The following TUBGCP3 variants were observed in gnomAD, a reference collection of about 807,000 sequenced individuals.
The protein encoded by TUBGCP3 is gamma-tubulin complex component 3.
TUBGCP3 carries 50 observed loss-of-function variants against 123.1 expected under a neutral mutation model. The ratio of observed to expected loss-of-function variants is 0.41; its 90% confidence interval spans 0.32 to 0.51. The LOEUF (loss-of-function observed/expected upper bound fraction) is 0.51, where lower values mean the gene tolerates loss of function less well. TUBGCP3 is among the 20% of genes least tolerant of loss of function. The pLI, the probability that TUBGCP3 is intolerant of heterozygous loss-of-function variation, is 0.36. For synonymous variants in TUBGCP3, 405 were observed against 413.9 expected (o/e 0.98, Z 0.26); for missense variants, 882 against 1,127.0 (o/e 0.78, Z 3.11).
intron 17 of TUBGCP3, among the ~76,000 whole-genome samples, chr13:112,505,180 G>A (rs1594116655): frequency 6.6e-6 from 1 of 152,304 alleles, no homozygotes; most frequent in Non-Finnish European, 1.5e-5. Context: ...AGCCTCGAGG[G>A]AGGTCAGCGA....
intron 20 of TUBGCP3, among the ~76,000 whole-genome samples, chr13:112,495,431 T>C (rs1043230550): frequency 3.3e-5 from 5 of 152,238 alleles, no homozygotes; most frequent in African/African-American, 1.2e-4. Context: ...AAGAATGATG[T>C]CTTATTATAA....
intron 11 of TUBGCP3, among the ~76,000 whole-genome samples, chr13:112,541,202 GAGAATCAATAA>G (rs1388213938): frequency 3.3e-5 from 5 of 152,218 alleles, no homozygotes; most frequent in Non-Finnish European, 7.3e-5. Context: ...ACATAAGGCA[GAGAATCAATAA>G]AGAACTCGCG....
At chr13:112,593,454 C>T in the TUBGCP3 span, among the ~76,000 whole-genome samples, 1 of 151,978 alleles carries the variant, frequency 6.6e-6, no homozygotes, top group Non-Finnish European at 1.5e-5. Context: ...GGGCAGATCA[C>T]CTGAGGTCAG....
chr13:112,528,855 T>G (rs924512924), intron 11 of TUBGCP3, among the ~76,000 whole-genome samples: 3 of 150,954 alleles, frequency 2.0e-5, no homozygotes, highest in East Asian at 1.9e-4. Context: ...CCTAGATCTG[T>G]TTTTTTTTCT....
the TUBGCP3 span, among the ~76,000 whole-genome samples, chr13:112,599,076 TC>T: frequency 4.0e-5 from 6 of 150,318 alleles, no homozygotes; most frequent in African/African-American, 1.5e-4. Context: ...AACCAAAATA[TC>T]TCACAAGTTA....
At chr13:112,537,476 G>A (rs575195009) in intron 11 of TUBGCP3, among the ~76,000 whole-genome samples, 1 of 152,182 alleles carries the variant, frequency 6.6e-6, no homozygotes, top group South Asian at 2.1e-4. Context: ...AACTACCCTT[G>A]CATTCTTGGG....
At chr13:112,565,989 G>A (rs1880929634) in intron 2 of TUBGCP3, among the ~76,000 whole-genome samples, 1 of 151,066 alleles carries the variant, frequency 6.6e-6, no homozygotes, top group Non-Finnish European at 1.5e-5. Context: ...AGTATTAAAT[G>A]TCATACTCAC....
intron 20 of TUBGCP3, 76 bp from the exon 21 acceptor site, chr13:112,489,773 A>G (rs1211734026): frequency 1.2e-5 from 15 of 1,219,262 alleles, no homozygotes; most frequent in Non-Finnish European, 1.8e-5. Flanking sequence ...GAAAACAGGT[A>G]TGTGAGGAGC....
At chr13:112,534,768 AT>A (rs371365188) in intron 11 of TUBGCP3, among the ~76,000 whole-genome samples, 2 of 151,006 alleles carry the variant, frequency 1.3e-5, no homozygotes, top group Admixed American at 1.3e-4. Flanking sequence ...GAACTTCTAC[AT>A]TTTTTTTTAG....
At chr13:112,552,088 C>T (rs1267971980) in intron 8 of TUBGCP3, among the ~76,000 whole-genome samples, 1 of 152,176 alleles carries the variant, frequency 6.6e-6, no homozygotes, top group Admixed American at 6.5e-5. Context: ...CACCTCCTGC[C>T]GTGCGGCCCA....
intron 19 of TUBGCP3, among the ~76,000 whole-genome samples, chr13:112,501,291 C>T (rs1880889627): frequency 6.6e-6 from 1 of 152,198 alleles, no homozygotes; most frequent in Admixed American, 6.5e-5. Flanking sequence ...AAAGATTTAT[C>T]TAATTTGTTT....
At chr13:112,521,191 A>G (rs1876590868) in intron 14 of TUBGCP3, among the ~76,000 whole-genome samples, 1 of 152,196 alleles carries the variant, frequency 6.6e-6, no homozygotes. Flanking sequence ...ATCACCACTC[A>G]TACTTCAAAC....
upstream of TUBGCP3, among the ~76,000 whole-genome samples, chr13:112,592,863 G>A (rs147774958): frequency 7.9e-5 from 12 of 152,312 alleles, no homozygotes; most frequent in Non-Finnish European, 1.5e-4. This position sits in a 1 kb window ranked among gnomAD's most constrained non-coding sequence, Gnocchi z 4.1. Context: ...GTCATCACCC[G>A]TGGTCAGACC....
At chr13:112,563,715 A>AC (rs1880712713) in intron 3 of TUBGCP3, among the ~76,000 whole-genome samples, 1 of 151,050 alleles carries the variant, frequency 6.6e-6, no homozygotes, top group African/African-American at 2.4e-5. Flanking sequence ...TACCAAAAAA[A>AC]AAAAAAAAAA....
intron 10 of TUBGCP3, 195 bp from the exon 11 acceptor site, chr13:112,546,060 C>T (rs1263613601): frequency 3.6e-6 from 2 of 551,388 alleles, no homozygotes; most frequent in African/African-American, 3.7e-5. Context: ...CAGACTCCAA[C>T]CCTGGCTTTA....
chr13:112,491,857 C>T (rs1051921460), intron 20 of TUBGCP3, among the ~76,000 whole-genome samples: 1 of 152,214 alleles, frequency 6.6e-6, no homozygotes, highest in Non-Finnish European at 1.5e-5. Flanking sequence ...CCAGCACCCC[C>T]ACCCAGGGGC....
At chr13:112,533,695 TTTTA>T (rs1057251356) in intron 11 of TUBGCP3, among the ~76,000 whole-genome samples, 2 of 151,624 alleles carry the variant, frequency 1.3e-5, no homozygotes, top group African/African-American at 4.8e-5. Flanking sequence ...ATGTGCTAAA[TTTTA>T]TTTATTTATT....
chr13:112,558,166 G>C, intron 5 of TUBGCP3, 30 bp downstream of exon 5: 1 of 1,581,496 alleles, frequency 6.3e-7, no homozygotes, highest in Admixed American at 1.7e-5. Flanking sequence ...CTAACACATA[G>C]AGAATCTATA....
intron 21 of TUBGCP3, 27 bp downstream of exon 21, chr13:112,489,554 A>G: frequency 6.7e-7 from 1 of 1,491,960 alleles, no homozygotes; most frequent in Non-Finnish European, 9.4e-7. Context: ...AGTGGTGTGA[A>G]GAGCCACTCT....
Sources: allele counts gnomAD v4.1 joint callset (sites outside exome capture counted in the v4.1 genomes callset), GRCh38; gene constraint gnomAD v4.1.1; non-coding constraint Gnocchi (gnomAD v3.1); transcripts MANE v1.5; gene names NCBI Gene and HGNC (gene_info 2026-07-23, HGNC 2026-07-21).